MEGF8: variants seen among roughly 807,000 people sequenced by gnomAD.
MEGF8 encodes multiple epidermal growth factor-like domains protein 8.
MEGF8 carries 156 observed loss-of-function variants against 302.9 expected under a neutral mutation model. The observed-to-expected ratio is 0.52, with a 90% CI of 0.45 to 0.59. The LOEUF is 0.59. Ranked by LOEUF, MEGF8 falls within the 20% of genes least tolerant of loss-of-function variation. The pLI is 0.00. For missense variants in MEGF8, 3,345 were observed against 3,964.5 expected, an observed-to-expected ratio of 0.84 and a Z score of 4.20; for synonymous variants, 1,621 against 1,660.5, an observed-to-expected ratio of 0.98 and a Z score of 0.58.
In MEGF8 at chr19:42,333,877, A is replaced by T. The variant is rs2039087019; in HGVS notation, c.351+109A>T. 2.6e-6 allele frequency: 4 copies of T among 1,527,198 alleles called. No individual in the cohort carries two copies. The Admixed American group carries it at 7.4e-5, about 28-fold the overall frequency. 94.6% of individuals were successfully genotyped at this position (1,527,198 alleles called of 1,614,324 possible). A position where few individuals can be genotyped will look rare whatever the true frequency, so the allele number is the denominator to read the frequency against. On this transcript the variant is annotated intron_variant, in intron 2 of 41. Transcript: ENST00000251268. ...AAGAGCAGAGCACAGGGACAAGGGA[A>T]GGTGGAGAGAGGCAAAGGAAGGAGA...
At position 42,352,067 on chromosome 19, in the gene MEGF8, TC is replaced by T. The variant is rs1350148914; in HGVS notation, c.3102-139del. 1 of 1,163,760 alleles carries T rather than the reference TC, an allele frequency of 8.6e-7. No homozygotes were observed. The highest frequency in any genetic ancestry group is 1.2e-6 in the Non-Finnish European group (1 of 848,660). The allele number at this position is 1,163,760 out of a possible 1,614,324, so 72.1% of individuals were successfully genotyped here. ...CAAAATTGTTTTTGTCTGCGACTTC[TC>T]CTGGTTTCTCTGTCTCTCTTTCCAA... On this transcript the variant is annotated intron_variant, in intron 18 of 41. Transcript: ENST00000251268. The surrounding 1 kb of genome is among the most constrained non-coding windows in gnomAD (Gnocchi z 4.4).
At position 42,357,351 on chromosome 19, in the gene MEGF8, A is replaced by G. The variant is rs1393045080; in HGVS notation, c.4831-53A>G. ...GGGCTGAGGCTCGCTTCTACCCACA[A>G]GGTGACCCCTGACCTCTAGCCCCAT... On this transcript the variant is annotated intron_variant, in intron 27 of 41. Coordinates refer to ENST00000251268, the MANE Select transcript of MEGF8 (RefSeq NM_001271938.2). This position sits in a 1 kb window ranked among gnomAD's most constrained non-coding sequence, Gnocchi z 5.2. 51 of 1,577,654 alleles carry G rather than the reference A, an allele frequency of 3.2e-5. No homozygotes were observed. Among genetic ancestry groups the G allele is most frequent in the Non-Finnish European group, 4.4e-5 (51 of 1,155,634 alleles).
At chr19:42,366,981 T>C (rs2039615125) in intron 35 of MEGF8, among the ~76,000 whole-genome samples, 2 of 152,202 alleles carry the variant, frequency 1.3e-5, no homozygotes, top group Non-Finnish European at 2.9e-5. Flanking sequence ...GTCAGGGTTT[T>C]CTATTTCAGG....
intron 8 of MEGF8, among the ~76,000 whole-genome samples, chr19:42,341,831 T>C (rs1215878838): frequency 2.0e-5 from 3 of 152,110 alleles, no homozygotes; most frequent in Non-Finnish European, 4.4e-5. Context: ...CCTTTCACTC[T>C]CATTAAATCA....
In MEGF8 at chr19:42,369,460, T is replaced by C. The variant is rs1374308801; in HGVS notation, c.6642-71T>C. ...CCAGTTGAGAAGAGGGTGGGGTAGT[T>C]GGTTGGGTGCTAGGCCATGAAGCCA... On this transcript the variant is annotated intron_variant, in intron 37 of 41. Coordinates refer to ENST00000251268, the MANE Select transcript of MEGF8 (RefSeq NM_001271938.2). The surrounding 1 kb of genome is among the most constrained non-coding windows in gnomAD (Gnocchi z 5.7). 1 of 1,487,274 alleles carries C rather than the reference T, an allele frequency of 6.7e-7. No homozygotes were observed. The highest frequency in any genetic ancestry group is 1.4e-5 in the African/African-American group (1 of 72,764). The allele number at this position is 1,487,274 out of a possible 1,614,324, so 92.1% of individuals were successfully genotyped here. A position where few individuals can be genotyped will look rare whatever the true frequency, so the allele number is the denominator to read the frequency against.
Position 42,356,623 on chromosome 19 carries a change from A to G in MEGF8, c.4623-151A>G. On this transcript the variant is annotated intron_variant, in intron 26 of 41. Transcript: ENST00000251268. The surrounding 1 kb of genome is among the most constrained non-coding windows in gnomAD (Gnocchi z 5.2). ...CCCGGGGACACTTGGGGACCAGGGT[A>G]CTTATTTGGGTGGTGCTACTCCAGG... is the stretch of plus-strand genomic sequence containing the variant. The G allele has an allele frequency of 3.2e-6, 3 of 934,118 alleles. No individual in the cohort carries two copies. The highest frequency in any genetic ancestry group is 4.7e-6 in the Non-Finnish European group (3 of 636,244). The allele number at this position is 934,118 out of a possible 1,614,324, so 57.9% of individuals were successfully genotyped here.
At chr19:42,360,608 G>T (rs1194941825) in intron 31 of MEGF8, among the ~76,000 whole-genome samples, 167 bp from the exon 32 acceptor site, 4 of 152,158 alleles carry the variant, frequency 2.6e-5, no homozygotes, top group African/African-American at 9.7e-5. Flanking sequence ...GCCTCCCAAA[G>T]TGTTGGGATC....
intron 1 of MEGF8, among the ~76,000 whole-genome samples, chr19:42,329,645 C>T (rs1190812520): frequency 1.3e-5 from 2 of 152,074 alleles, no homozygotes; most frequent in African/African-American, 2.4e-5. Flanking sequence ...AAGGATTACT[C>T]GAGCCCAGGA....
intron 23 of MEGF8, 55 bp from the exon 24 acceptor site, chr19:42,355,703 T>C: frequency 6.7e-7 from 1 of 1,494,988 alleles, no homozygotes; most frequent in Admixed American, 2.2e-5. Context: ...CATCTGGGGG[T>C]GGAAGGGGCC....
intron 41 of MEGF8, among the ~76,000 whole-genome samples, chr19:42,374,108 A>G (rs1443440573): frequency 6.6e-6 from 1 of 152,064 alleles, no homozygotes; most frequent in African/African-American, 2.4e-5. Context: ...TGGTGACAGC[A>G]TAGATATGAA....
In MEGF8 at chr19:42,335,021, C is replaced by T. The variant is rs1457560115; in HGVS notation, c.559-14C>T. On this transcript the variant is annotated splice_polypyrimidine_tract_variant and intron_variant, in intron 3 of 41. Transcript: ENST00000251268. The stretch of plus-strand genomic sequence containing the variant: ...CCCTCTCTTATCTCTGCCTTTATGT[C>T]TCCTTTCCCGCAGCCCCTGGGACCA... 1 of 1,597,882 alleles carries T rather than the reference C, an allele frequency of 6.3e-7. No homozygotes were observed. Among genetic ancestry groups the T allele is most frequent in the Non-Finnish European group, 8.5e-7 (1 of 1,172,724 alleles).
At position 42,368,732 on chromosome 19, in the gene MEGF8, G is replaced by A. The variant is rs566635667; in HGVS notation, c.6481+70G>A. 2.8e-5 allele frequency: 43 copies of A among 1,545,916 alleles called. No individual in the cohort carries two copies. The South Asian group carries it at 3.1e-4, about 11-fold the overall frequency. On this transcript the variant is annotated intron_variant, in intron 36 of 41. Transcript: ENST00000251268. This position sits in a 1 kb window ranked among gnomAD's most constrained non-coding sequence, Gnocchi z 4.9. Reference sequence around the variant, plus strand: ...TGGGGTCTGATACAGTGAACATAGGGATACTGGGCCAGACCCAGAGGTGGG... The same window carrying A: ...TGGGGTCTGATACAGTGAACATAGGAATACTGGGCCAGACCCAGAGGTGGG...
chr19:42,345,327 TTCATCAGTGACATTTAG>T (rs2039274251), intron 12 of MEGF8, among the ~76,000 whole-genome samples: 1 of 152,248 alleles, frequency 6.6e-6, no homozygotes, highest in Non-Finnish European at 1.5e-5. Flanking sequence ...CATAAAATTT[TTCATCAGTGACATTTAG>T]CACATTTACA....
At position 42,357,301 on chromosome 19, in the gene MEGF8, T is replaced by A. The variant is rs1600057970; in HGVS notation, c.4831-103T>A. 1.2e-5 allele frequency: 17 copies of A among 1,388,394 alleles called. No homozygotes were observed. The East Asian group carries it at 3.5e-4, about 28-fold the overall frequency. 86.0% of individuals were successfully genotyped at this position (1,388,394 alleles called of 1,614,324 possible). A position where few individuals can be genotyped will look rare whatever the true frequency, so the allele number is the denominator to read the frequency against. On this transcript the variant is annotated intron_variant, in intron 27 of 41. Coordinates refer to ENST00000251268, the MANE Select transcript of MEGF8 (RefSeq NM_001271938.2). The surrounding 1 kb of genome is among the most constrained non-coding windows in gnomAD (Gnocchi z 5.2). ...TGGCCCTGGGGGGGTCATTCCCTCC[T>A]TAGTACTTCAGGGAGGACTGTGGGG...
rs968173494 is a variant in MEGF8 at position 42,351,931 on chromosome 19, A to C, written c.3101+170A>C. Among the ~76,000 whole-genome samples the C allele has an allele frequency of 6.7e-6, 1 of 148,274 alleles. No homozygotes were observed. The highest frequency in any genetic ancestry group is 1.5e-5 in the Non-Finnish European group (1 of 66,816). ...TTTACCCTCCCGCTCTTTTTTCTCCATTTTTCCTCCTTTTCCGGCTCTCTG... is the reference window on the plus strand; with the variant it reads ...TTTACCCTCCCGCTCTTTTTTCTCCCTTTTTCCTCCTTTTCCGGCTCTCTG... On this transcript the variant is annotated intron_variant, in intron 18 of 41. Transcript: ENST00000251268. This position sits in a 1 kb window ranked among gnomAD's most constrained non-coding sequence, Gnocchi z 5.6.
In MEGF8 at chr19:42,334,108, G is replaced by A. The variant is rs375747976; in HGVS notation, c.453G>A (p.Gln151=). 16 of 1,613,166 alleles carry A rather than the reference G, an allele frequency of 9.9e-6. No individual in the cohort carries two copies. The South Asian group carries it at 1.5e-4, about 15-fold the overall frequency. The part of the protein sequence containing the change: ...LCPGGCQSHG[Q]CQPPGVCACE... The stretch of plus-strand genomic sequence containing the variant: ...CGGGTGGCTGCCAGAGCCACGGGCA[G>A]TGCCAGCCACCGGGTGTGTGTGCCT... The change falls in exon 3 of 42, where the codon CAG becomes CAA. Residue 151 remains glutamine, a synonymous_variant. Coordinates refer to ENST00000251268, the MANE Select transcript of MEGF8 (RefSeq NM_001271938.2).
chr19:42,358,306 AG>A lies in MEGF8; in HGVS notation c.5175+1del. 6.3e-7 allele frequency: 1 copy of A among 1,599,722 alleles called. No homozygotes were observed. The highest frequency in any genetic ancestry group is 1.1e-5 in the South Asian group (1 of 88,234). On this transcript the variant is annotated frameshift_variant and splice_region_variant, in exon 29 of 42. Coordinates refer to ENST00000251268, the MANE Select transcript of MEGF8 (RefSeq NM_001271938.2). LOFTEE classifies it high-confidence loss of function. The surrounding 1 kb of genome is among the most constrained non-coding windows in gnomAD (Gnocchi z 4.4). ...WSLLAPSQGA[K>X]RDRMRNVRGS... is the part of the protein sequence containing the mutation. ...CTGCTGGCCCCTTCTCAGGGGGCAA[AG>A]GTCAGGAAAAGAGGCTCAGACCCAA...
At position 42,376,173 on chromosome 19, in the gene MEGF8, A is replaced by T; in HGVS notation, c.7936A>T (p.Ile2646Phe). Residue 2646 changes from isoleucine (I) to phenylalanine (F), a missense_variant, in exon 42 of 42, where the codon ATT becomes TTT. Ile to Phe is a conservative substitution (Grantham distance 21). Coordinates refer to ENST00000251268, the MANE Select transcript of MEGF8 (RefSeq NM_001271938.2). The surrounding 1 kb of genome is among the most constrained non-coding windows in gnomAD (Gnocchi z 8.2). ...CTTCTTCCGGCAGGACCAGGCCCAC[A>T]TTGACCTGTTTGTCTTCTTCTCCGT... is the stretch of plus-strand genomic sequence containing the variant. ...LLFFRQDQAH[I>F]DLFVFFSVFF... 6.2e-7 allele frequency: 1 copy of T among 1,611,322 alleles called. No homozygotes were observed. The highest frequency in any genetic ancestry group is 8.5e-7 in the Non-Finnish European group (1 of 1,179,326).
rs541733405 is a variant in MEGF8, at chr19:42,356,983, T to C, written c.4830+2T>C. The C allele has an allele frequency of 5.0e-6, 8 of 1,587,040 alleles. No individual in the cohort carries two copies. The South Asian group carries it at 9.2e-5, about 18-fold the overall frequency. On this transcript the variant is annotated splice_donor_variant, in intron 27 of 41. Transcript: ENST00000251268. LOFTEE classifies it high-confidence loss of function. This position sits in a 1 kb window ranked among gnomAD's most constrained non-coding sequence, Gnocchi z 5.2. ...ACCCTGCAATGGCGGCAGGAGAAGG[T>C]GAGCATCTCTCCCCAGCCCACTCCC... is the stretch of plus-strand genomic sequence containing the variant.
Sources: gnomAD v4.1 joint callset for allele counts (sites outside exome capture counted in the v4.1 genomes callset) on GRCh38, gnomAD v4.1.1 for gene constraint, Gnocchi (gnomAD v3.1) non-coding constraint, MANE v1.5 for transcripts, NCBI Gene and HGNC (gene_info 2026-07-23, HGNC 2026-07-21) for gene names.